The following ZC3H6 variants were observed in gnomAD, a reference collection of about 807,000 sequenced individuals.
The protein encoded by ZC3H6 is zinc finger CCCH-type containing 6, also known as zinc finger CCCH domain-containing protein 6.
Under a neutral mutation model 107.7 loss-of-function variants are expected in ZC3H6, and 40 were observed. The ratio of observed to expected loss-of-function variants is 0.37; its 90% confidence interval spans 0.29 to 0.48. The LOEUF (loss-of-function observed/expected upper bound fraction) is 0.48. Ranked by LOEUF, ZC3H6 falls within the 20% of genes least tolerant of loss-of-function variation. The pLI, the probability that ZC3H6 is intolerant of heterozygous loss-of-function variation, is 0.98. For synonymous variants in ZC3H6, 493 were observed against 487.9 expected, an observed-to-expected ratio of 1.01 and a Z score of -0.14; for missense variants, 1,267 against 1,410.4, an observed-to-expected ratio of 0.90 and a Z score of 1.63.
intron 5 of ZC3H6, among the ~76,000 whole-genome samples, chr2:112,313,782 C>A (rs906439465): frequency 1.3e-5 from 2 of 152,212 alleles, no homozygotes; most frequent in Non-Finnish European, 2.9e-5. Context: ...GAGGCCACAG[C>A]AGAGTGGCCA....
At chr2:112,327,761 C>T (rs541261262) in intron 11 of ZC3H6, among the ~76,000 whole-genome samples, 10 of 152,026 alleles carry the variant, frequency 6.6e-5, no homozygotes, top group Non-Finnish European at 1.2e-4. Flanking sequence ...CATTTATTGA[C>T]GAGATTGTCC....
intron 6 of ZC3H6, 23 bp from the exon 7 acceptor site, chr2:112,317,193 TTTTTC>T (rs1326517303): frequency 1.6e-6 from 2 of 1,274,182 alleles, no homozygotes; most frequent in East Asian, 2.8e-5. Context: ...CTTTTTTTCT[TTTTTC>T]TTTTTTTTTT....
At chr2:112,316,648 C>CT in intron 6 of ZC3H6, 62 bp downstream of exon 6, 1 of 1,080,238 alleles carries the variant, frequency 9.3e-7, no homozygotes, top group South Asian at 1.6e-5. Flanking sequence ...AAATTAAAGT[C>CT]TTTTGGGGGA....
chr2:112,317,416 C>G, intron 7 of ZC3H6, 84 bp downstream of exon 7: 1 of 698,322 alleles, frequency 1.4e-6, no homozygotes, highest in Non-Finnish European at 2.3e-6. Context: ...TAAATACACC[C>G]TATAAAGCCT....
chr2:112,322,534 A>AC, intron 8 of ZC3H6, 115 bp from the exon 9 acceptor site: 1 of 1,205,650 alleles, frequency 8.3e-7, no homozygotes, highest in Non-Finnish European at 1.1e-6. Context: ...AGCCACTGCG[A>AC]CCAGCCCATT....
rs1039190769 is a variant in ZC3H6 at position 112,335,991 on chromosome 2, G to A, written c.*3503G>A. 6.6e-6 allele frequency: 1 copy of A among 152,134 alleles called. No homozygotes were observed. Among genetic ancestry groups the A allele is most frequent in the Non-Finnish European group, 1.5e-5 (1 of 68,030 alleles). The allele number at this position is 152,134 out of a possible 1,614,324, so 9.4% of individuals were successfully genotyped here. A position where few individuals can be genotyped will look rare whatever the true frequency, so the allele number is the denominator to read the frequency against. On this transcript the variant is annotated 3_prime_UTR_variant, in exon 12 of 12. Transcript: ENST00000409871. ...GTTTGTTTAAATCATAGCATGTTTA[G>A]GCAAAGTGGCCAGCTCATTCAATAT...
At chr2:112,290,018 G>A (rs1676074903) in intron 1 of ZC3H6, among the ~76,000 whole-genome samples, 1 of 152,172 alleles carries the variant, frequency 6.6e-6, no homozygotes, top group Non-Finnish European at 1.5e-5. Context: ...TGGGATTATA[G>A]GCATGAACCA....
chr2:112,321,700 T>TAA, intron 7 of ZC3H6, 56 bp from the exon 8 acceptor site: 2 of 1,044,914 alleles, frequency 1.9e-6, no homozygotes, highest in South Asian at 1.8e-5. Context: ...GGTTTTGGTT[T>TAA]AAAAAAAAAT....
In ZC3H6 at chr2:112,330,895, A is replaced by G. The variant is rs1212325871; in HGVS notation, c.2087-110A>G. On this transcript the variant is annotated intron_variant, in intron 11 of 11. Transcript: ENST00000409871. ...GTTTTTTAATATTAATTAAGGCTAC[A>G]TATAAATGTAGCCATATTATAAAGA... 6 of 417,558 alleles carry G rather than the reference A, an allele frequency of 1.4e-5. No homozygotes were observed. In the Admixed American group the frequency reaches 2.8e-4, roughly 19 times the overall value. 25.9% of individuals were successfully genotyped at this position (417,558 alleles called of 1,614,324 possible). A position where few individuals can be genotyped will look rare whatever the true frequency, so the allele number is the denominator to read the frequency against.
Position 112,331,512 on chromosome 2 carries a change from A to G in ZC3H6, c.2594A>G (p.Asp865Gly), listed in dbSNP as rs749047476. 5 of 1,613,888 alleles carry G rather than the reference A, an allele frequency of 3.1e-6. No individual in the cohort carries two copies. The highest frequency in any genetic ancestry group is 4.2e-6 in the Non-Finnish European group (5 of 1,179,898). Residue 865 changes from aspartate to glycine, a missense_variant, in exon 12 of 12, where the codon GAC (aspartate) becomes GGC (glycine). Physicochemically the swap from Asp to Gly is moderately conservative, Grantham distance 94. Coordinates refer to ENST00000409871, the MANE Select transcript of ZC3H6 (RefSeq NM_198581.3). ...QLRQFSHIKMDITLTKPNFAK... is the reference protein window; with the variant it reads ...QLRQFSHIKMGITLTKPNFAK... The stretch of plus-strand genomic sequence containing the variant: ...AGACAGTTCAGTCACATTAAAATGG[A>G]CATTACTCTAACCAAACCCAACTTT...
rs1686404340 is a variant in ZC3H6 at position 112,275,819 on chromosome 2, A to C, written c.-176A>C. On this transcript the variant is annotated 5_prime_UTR_variant, in exon 1 of 12. Coordinates refer to ENST00000409871, the MANE Select transcript of ZC3H6 (RefSeq NM_198581.3). Reference sequence around the variant, plus strand: ...ATCTCTCTGGCGTGGTTGTTAATAGACTGGAAAGTCTGTGTCTGTGTCGCT... The same window carrying C: ...ATCTCTCTGGCGTGGTTGTTAATAGCCTGGAAAGTCTGTGTCTGTGTCGCT... 1.9e-6 allele frequency: 1 copy of C among 519,282 alleles called. No individual in the cohort carries two copies. The highest frequency in any genetic ancestry group is 3.5e-6 in the Non-Finnish European group (1 of 288,554). 32.2% of individuals were successfully genotyped at this position (519,282 alleles called of 1,614,324 possible).
Position 112,331,586 on chromosome 2 carries a change from C to T in ZC3H6, c.2668C>T (p.Pro890Ser). 1.9e-6 allele frequency: 3 copies of T among 1,613,948 alleles called. No homozygotes were observed. Among genetic ancestry groups the T allele is most frequent in the Non-Finnish European group, 2.5e-6 (3 of 1,179,870 alleles). The change falls in exon 12 of 12, where the codon CCT becomes TCT. Residue 890 changes from proline (P) to serine (S), a missense_variant. Physicochemically the swap from Pro to Ser is moderately conservative, Grantham distance 74 (BLOSUM62 -1). Transcript: ENST00000409871. ...CGAAGACTTACTTCCAGTACCTTTA[C>T]CTAAACCTGATCCAGTGTCTTCAAT... ...APEDLLPVPL[P>S]KPDPVSSINL...
Position 112,316,460 on chromosome 2 carries a change from T to C in ZC3H6, c.748-10T>C. 1 of 1,547,460 alleles carries C rather than the reference T, an allele frequency of 6.5e-7. No homozygotes were observed. The highest frequency in any genetic ancestry group is 8.9e-7 in the Non-Finnish European group (1 of 1,128,856). On this transcript the variant is annotated splice_polypyrimidine_tract_variant and intron_variant, in intron 5 of 11. Transcript: ENST00000409871. Reference sequence around the variant, plus strand: ...ATATGCTGCATTCAAATGGAATTTTTTTCTTGCAGTATAATAAACCAGGGA... The same window carrying C: ...ATATGCTGCATTCAAATGGAATTTTCTTCTTGCAGTATAATAAACCAGGGA...
chr2:112,281,066 TG>T (rs1474070268), intron 1 of ZC3H6, among the ~76,000 whole-genome samples: 1 of 152,090 alleles, frequency 6.6e-6, no homozygotes, highest in Non-Finnish European at 1.5e-5. Flanking sequence ...AGAAAAAACT[TG>T]GTGTAATGAA....
At chr2:112,290,448 G>C (rs1573948674) in intron 1 of ZC3H6, among the ~76,000 whole-genome samples, 1 of 152,222 alleles carries the variant, frequency 6.6e-6, no homozygotes, top group African/African-American at 2.4e-5. Flanking sequence ...CCCCTGTTGT[G>C]TGTGCTCATA....
At chr2:112,303,486 A>G (rs1019216689) in intron 3 of ZC3H6, 135 bp downstream of exon 3, 3 of 629,768 alleles carry the variant, frequency 4.8e-6, no homozygotes, top group African/African-American at 1.9e-5. Flanking sequence ...ATCCATTTCT[A>G]GAAATTCTTG....
At chr2:112,290,044 G>C (rs1424256845) in intron 1 of ZC3H6, among the ~76,000 whole-genome samples, 1 of 152,004 alleles carries the variant, frequency 6.6e-6, no homozygotes, top group African/African-American at 2.4e-5. Context: ...CCCAGCTTTT[G>C]AAAAACCTGT....
intron 1 of ZC3H6, among the ~76,000 whole-genome samples, chr2:112,289,316 CTTTTT>C (rs1676045803): frequency 3.0e-5 from 4 of 132,258 alleles, no homozygotes; most frequent in Admixed American, 7.6e-5. Context: ...CTTTTTTTTT[CTTTTT>C]CTTTTTTTTT....
At chr2:112,308,016 A>G (rs1345033670) in intron 3 of ZC3H6, among the ~76,000 whole-genome samples, 1 of 152,254 alleles carries the variant, frequency 6.6e-6, no homozygotes, top group African/African-American at 2.4e-5. Flanking sequence ...ATATAGTCAC[A>G]GTTTTAATAA....
Sources: gnomAD v4.1 joint callset for allele counts (sites outside exome capture counted in the v4.1 genomes callset) on GRCh38, gnomAD v4.1.1 for gene constraint, MANE v1.5 for transcripts, NCBI Gene and HGNC (gene_info 2026-07-23, HGNC 2026-07-21) for gene names.